Variants in GALNT13 observed in about 807,000 individuals in gnomAD.
GALNT13 encodes UDP-GalNAc:polypeptide N-acetylgalactosaminyltransferase 13.
In GALNT13, 28 loss-of-function variants were observed where a neutral mutation model predicts 64.2. The observed-to-expected ratio is 0.44, with a 90% CI of 0.32 to 0.60. The LOEUF (loss-of-function observed/expected upper bound fraction) is 0.60. Ranked by LOEUF, GALNT13 falls within the 20% of genes least tolerant of loss-of-function variation. The pLI is 0.05. For missense variants in GALNT13, 577 were observed against 669.8 expected (o/e 0.86, Z 1.53); for synonymous variants, 214 against 224.6 (o/e 0.95, Z 0.42).
chr2:153,289,487 G>A, the GALNT13 span, among the ~76,000 whole-genome samples: 1 of 152,108 alleles, frequency 6.6e-6, no homozygotes, highest in African/African-American at 2.4e-5. Context: ...TTATCCCAAA[G>A]TAGTTGAATA....
chr2:153,700,336 A>G, the GALNT13 span, among the ~76,000 whole-genome samples: 1 of 152,178 alleles, frequency 6.6e-6, no homozygotes, highest in African/African-American at 2.4e-5. Flanking sequence ...TTGATGGAAC[A>G]TAACTCAAAA....
chr2:153,414,792 A>G, the GALNT13 span, among the ~76,000 whole-genome samples: 1 of 152,160 alleles, frequency 6.6e-6, no homozygotes, highest in East Asian at 1.9e-4. Context: ...ATATACTCCT[A>G]TTCTCAAATT....
At chr2:153,542,926 T>C in the GALNT13 span, among the ~76,000 whole-genome samples, 8 of 152,210 alleles carry the variant, frequency 5.3e-5, no homozygotes, top group African/African-American at 1.9e-4. Flanking sequence ...TTTGAGCATG[T>C]AACCAACTTT....
the GALNT13 span, among the ~76,000 whole-genome samples, chr2:153,523,290 A>G: frequency 6.6e-6 from 1 of 152,078 alleles, no homozygotes; most frequent in Admixed American, 6.5e-5. Context: ...TACATATTGT[A>G]TTGGCTATCT....
At chr2:153,911,669 T>C (rs1228415548) in intron 2 of GALNT13, among the ~76,000 whole-genome samples, 1 of 152,166 alleles carries the variant, frequency 6.6e-6, no homozygotes, top group African/African-American at 2.4e-5. Flanking sequence ...CTTATGAAGC[T>C]TAGTTTGTTT....
chr2:154,428,354 G>A (rs1464037641), intron 11 of GALNT13, among the ~76,000 whole-genome samples: 1 of 152,184 alleles, frequency 6.6e-6, no homozygotes, highest in African/African-American at 2.4e-5. Context: ...ATATCAAACT[G>A]TGAACTTTTA....
chr2:154,432,828 A>AT (rs1700769704), intron 11 of GALNT13, among the ~76,000 whole-genome samples: 2 of 152,166 alleles, frequency 1.3e-5, no homozygotes, highest in South Asian at 4.1e-4. Context: ...AAGTGTGCAC[A>AT]TTTTTTGGTA....
chr2:153,105,295 A>G, the GALNT13 span, among the ~76,000 whole-genome samples: 43 of 152,244 alleles, frequency 2.8e-4, no homozygotes, highest in African/African-American at 8.9e-4. Context: ...CAATAGATGC[A>G]GAAAAGGCCT....
At chr2:154,414,724 A>G (rs985661800) in intron 11 of GALNT13, among the ~76,000 whole-genome samples, 3 of 151,968 alleles carry the variant, frequency 2.0e-5, no homozygotes, top group Non-Finnish European at 2.9e-5. Flanking sequence ...TTATAAGAAT[A>G]CTTTGTTAAA....
the GALNT13 span, among the ~76,000 whole-genome samples, chr2:153,186,690 C>T: frequency 5.8e-3 from 881 of 152,152 alleles, 6 homozygotes; most frequent in African/African-American, 0.02. Context: ...CCTCAGCCTC[C>T]GGAGTGACTG....
intron 7 of GALNT13, among the ~76,000 whole-genome samples, chr2:154,257,412 G>C (rs1264012107): frequency 1.3e-5 from 2 of 151,858 alleles, no homozygotes; most frequent in Non-Finnish European, 2.9e-5. Context: ...AGCAATTTTG[G>C]TTCCTAATTT....
intron 2 of GALNT13, among the ~76,000 whole-genome samples, chr2:153,919,661 A>G (rs1689622121): frequency 6.6e-6 from 1 of 151,886 alleles, no homozygotes. Flanking sequence ...AAATAGCTTA[A>G]TATTTGAATG....
At chr2:153,599,474 G>A in the GALNT13 span, among the ~76,000 whole-genome samples, 3,026 of 152,052 alleles carry the variant, frequency 0.02, 44 homozygotes, top group Non-Finnish European at 0.03. Context: ...CCACTTATGA[G>A]GGAGAACAAT....
chr2:153,664,794 G>A, the GALNT13 span, among the ~76,000 whole-genome samples: 6 of 152,024 alleles, frequency 3.9e-5, no homozygotes, highest in East Asian at 3.9e-4. Context: ...CTGACTTCCC[G>A]CAACAATGAG....
At chr2:153,926,605 A>G (rs950423238) in intron 2 of GALNT13, among the ~76,000 whole-genome samples, 2 of 152,146 alleles carry the variant, frequency 1.3e-5, no homozygotes, top group East Asian at 1.9e-4. Flanking sequence ...GAAACAGATT[A>G]CTTAAATCAG....
chr2:153,245,151 T>C, the GALNT13 span, among the ~76,000 whole-genome samples: 3 of 152,238 alleles, frequency 2.0e-5, no homozygotes, highest in Non-Finnish European at 2.9e-5. Context: ...CTCATCTTCC[T>C]GGGACAGGGA....
the GALNT13 span, among the ~76,000 whole-genome samples, chr2:153,443,390 C>T: frequency 6.6e-6 from 1 of 152,314 alleles, no homozygotes; most frequent in Admixed American, 6.5e-5. Flanking sequence ...AGTGTCTAGC[C>T]AGTCCTAATG....
At chr2:153,626,468 T>C in the GALNT13 span, among the ~76,000 whole-genome samples, 1 of 152,140 alleles carries the variant, frequency 6.6e-6, no homozygotes, top group Admixed American at 6.6e-5. Flanking sequence ...TACTGTATCT[T>C]TTGACTCCCC....
the GALNT13 span, among the ~76,000 whole-genome samples, chr2:153,274,211 A>T: frequency 3.3e-5 from 5 of 152,086 alleles, no homozygotes; most frequent in East Asian, 2.0e-4. Context: ...TAAAAAAAAT[A>T]AAAAAAATTT....
Sources: allele counts gnomAD v4.1 joint callset (sites outside exome capture counted in the v4.1 genomes callset), GRCh38; gene constraint gnomAD v4.1.1; transcripts MANE v1.5; gene names NCBI Gene and HGNC (gene_info 2026-07-23, HGNC 2026-07-21).